Variants in CFAP96 observed in about 807,000 individuals in gnomAD.
The protein encoded by CFAP96 is cilia-and flagella-associated protein 96.
At chr4:185,434,777 C>T in the CFAP96 span, among the ~76,000 whole-genome samples, 2 of 151,694 alleles carry the variant, frequency 1.3e-5, no homozygotes, top group Admixed American at 1.3e-4. Flanking sequence ...CTGGCTCTGT[C>T]ATCCAAGCTG....
At chr4:185,438,725 GTTT>G in the CFAP96 span, among the ~76,000 whole-genome samples, 1 of 152,112 alleles carries the variant, frequency 6.6e-6, no homozygotes, top group Non-Finnish European at 1.5e-5. Context: ...CTTAGAAATG[GTTT>G]TTACCTTTTC....
the CFAP96 span, chr4:185,445,439 G>C: frequency 8.7e-7 from 1 of 1,147,106 alleles, no homozygotes; most frequent in East Asian, 2.4e-5. Flanking sequence ...GCATAGTTCA[G>C]TTAGCAGTAC....
At chr4:185,446,913 C>T in the CFAP96 span, among the ~76,000 whole-genome samples, 1 of 152,052 alleles carries the variant, frequency 6.6e-6, no homozygotes, top group Non-Finnish European at 1.5e-5. Flanking sequence ...TTCCTGTTGT[C>T]TTTCTTGTTA....
the CFAP96 span, among the ~76,000 whole-genome samples, chr4:185,429,113 G>A: frequency 6.6e-6 from 1 of 152,138 alleles, no homozygotes; most frequent in African/African-American, 2.4e-5. Flanking sequence ...TGTAATTTGT[G>A]AGCACTTCAT....
the CFAP96 span, chr4:185,418,489 ATCT>A: frequency 3.7e-6 from 6 of 1,612,172 alleles, no homozygotes; most frequent in East Asian, 2.2e-5. Flanking sequence ...TTCTTTTTAT[ATCT>A]TCTTCTGGCT....
chr4:185,438,180 GTCTTTC>G, the CFAP96 span, among the ~76,000 whole-genome samples: 1 of 151,582 alleles, frequency 6.6e-6, no homozygotes, highest in Admixed American at 6.6e-5. Context: ...ATTTTTATCT[GTCTTTC>G]TCTTCCCCTT....
At chr4:185,438,629 T>G in the CFAP96 span, among the ~76,000 whole-genome samples, 2 of 152,234 alleles carry the variant, frequency 1.3e-5, no homozygotes, top group African/African-American at 2.4e-5. Flanking sequence ...GGATGTCAAA[T>G]ACTAGGAATT....
the CFAP96 span, chr4:185,449,616 A>G: frequency 1.3e-6 from 2 of 1,545,302 alleles, no homozygotes; most frequent in Non-Finnish European, 1.7e-6. Flanking sequence ...TCAAAGAACT[A>G]CAAGACTTCT....
At chr4:185,417,666 T>G in the CFAP96 span, among the ~76,000 whole-genome samples, 1 of 152,206 alleles carries the variant, frequency 6.6e-6, no homozygotes, top group African/African-American at 2.4e-5. Context: ...ACTTCGTGCC[T>G]TGAAGACGCA....
chr4:185,431,735 A>T, the CFAP96 span, among the ~76,000 whole-genome samples: 1 of 152,222 alleles, frequency 6.6e-6, no homozygotes, highest in Admixed American at 6.5e-5. Flanking sequence ...TAAGGTCTCT[A>T]CCAGCTCTAA....
chr4:185,442,419 C>A, the CFAP96 span, among the ~76,000 whole-genome samples: 1 of 151,952 alleles, frequency 6.6e-6, no homozygotes, highest in African/African-American at 2.4e-5. Context: ...TTTTAAGGTT[C>A]TGGTCAATAA....
At chr4:185,429,383 T>A in the CFAP96 span, 1 of 1,398,302 alleles carries the variant, frequency 7.2e-7, no homozygotes, top group Non-Finnish European at 9.6e-7. Context: ...AAGTTAGCGG[T>A]ATAGAGAGTA....
chr4:185,412,901 C>A, the CFAP96 span, among the ~76,000 whole-genome samples: 27 of 152,136 alleles, frequency 1.8e-4, no homozygotes, highest in Non-Finnish European at 3.5e-4. Flanking sequence ...TAAAGTAACC[C>A]TTCCACCACC....
At chr4:185,448,081 T>TGAC in the CFAP96 span, among the ~76,000 whole-genome samples, 1 of 152,196 alleles carries the variant, frequency 6.6e-6, no homozygotes, top group Admixed American at 6.5e-5. Flanking sequence ...AGTGCAAAGG[T>TGAC]GTGATCTCGG....
chr4:185,436,142 GA>G, the CFAP96 span: 1 of 1,551,338 alleles, frequency 6.4e-7, no homozygotes, highest in Non-Finnish European at 8.7e-7. Context: ...CACCTGGAAA[GA>G]ATTTATACAC....
the CFAP96 span, chr4:185,426,040 C>T: frequency 2.9e-6 from 2 of 700,178 alleles, no homozygotes; most frequent in Non-Finnish European, 2.4e-6. Context: ...CAGTCCCTCG[C>T]GGACGGCGAG....
At chr4:185,422,892 C>G in the CFAP96 span, among the ~76,000 whole-genome samples, 1 of 12,054 alleles carries the variant, frequency 8.3e-5, no homozygotes, top group Non-Finnish European at 2.0e-4. Flanking sequence ...CAGGGTCTCA[C>G]TCTGTCACAC....
At chr4:185,415,447 T>C in the CFAP96 span, 13 of 1,043,570 alleles carry the variant, frequency 1.2e-5, no homozygotes, top group African/African-American at 1.7e-5. Flanking sequence ...AAAAACTTGA[T>C]TGGACCAGGT....
At chr4:185,418,616 A>G in the CFAP96 span, 1,301 of 1,613,602 alleles carry the variant, frequency 8.1e-4, 14 homozygotes, top group African/African-American at 0.015. Context: ...TCTTACAAGC[A>G]GAAGCATCAG....
Sources: allele counts gnomAD v4.1 joint callset (sites outside exome capture counted in the v4.1 genomes callset), GRCh38; gene constraint gnomAD v4.1.1; transcripts MANE v1.5; gene names NCBI Gene and HGNC (gene_info 2026-07-23, HGNC 2026-07-21).